TTC17: variants seen among roughly 807,000 people sequenced by gnomAD.
TTC17 encodes the protein tetratricopeptide repeat protein 17.
In TTC17, 58 loss-of-function variants were observed where a neutral mutation model predicts 143.8. The observed-to-expected ratio is 0.40, with a 90% CI of 0.33 to 0.50. The LOEUF is 0.50. Among genes scored for constraint, TTC17 ranks in the 20% least tolerant of loss-of-function variants. The pLI, the probability that TTC17 is intolerant of heterozygous loss-of-function variation, is 0.49. For missense variants in TTC17, 1,273 were observed against 1,392.5 expected (o/e 0.91, Z 1.37); for synonymous variants, 501 against 497.8 (o/e 1.01, Z -0.09).
chr11:43,412,998 AC>A (rs1160532243), intron 15 of TTC17, among the ~76,000 whole-genome samples: 4 of 147,714 alleles, frequency 2.7e-5, no homozygotes, highest in Admixed American at 1.3e-4. Context: ...ACACACACAC[AC>A]ACACACACAC....
intron 2 of TTC17, among the ~76,000 whole-genome samples, chr11:43,379,777 G>C (rs998536705): frequency 6.6e-6 from 1 of 152,104 alleles, no homozygotes; most frequent in Admixed American, 6.5e-5. Flanking sequence ...TGGTTGACGT[G>C]AAAAACATTA....
Position 43,490,311 on chromosome 11 carries a change from A to G in TTC17, c.3103A>G (p.Ile1035Val), listed in dbSNP as rs1293028632. Reference sequence around the variant, plus strand: ...GGTGAAAGGCCAAGGAAAGAAGGCAATCGACTGCCTCCGCCAGGCTCTGCA... The same window carrying G: ...GGTGAAAGGCCAAGGAAAGAAGGCAGTCGACTGCCTCCGCCAGGCTCTGCA... Reference protein sequence around the residue: ...WRVKGQGKKAIDCLRQALHYA... With the variant: ...WRVKGQGKKAVDCLRQALHYA... The change falls in exon 22 of 24, where the codon ATC becomes GTC. Residue 1035 changes from isoleucine to valine, a missense_variant. By Grantham distance (29) the Ile-to-Val change is conservative. Coordinates refer to ENST00000039989, the MANE Select transcript of TTC17 (RefSeq NM_018259.6). 1.9e-6 allele frequency: 3 copies of G among 1,612,396 alleles called. No individual in the cohort carries two copies. The highest frequency in any genetic ancestry group is 1.1e-5 in the South Asian group (1 of 90,706).
intron 1 of TTC17, among the ~76,000 whole-genome samples, chr11:43,366,835 C>T (rs1234525961): frequency 6.6e-6 from 1 of 152,162 alleles, no homozygotes; most frequent in Non-Finnish European, 1.5e-5. Flanking sequence ...ACTGACTTAG[C>T]TTTTGTGAGC....
intron 2 of TTC17, among the ~76,000 whole-genome samples, chr11:43,383,248 G>A (rs968704846): frequency 1.8e-4 from 27 of 152,216 alleles, no homozygotes; most frequent in African/African-American, 6.3e-4. Flanking sequence ...GAGAGAGAGA[G>A]TGGTATCCAG....
In TTC17 at chr11:43,407,337, T is replaced by A; in HGVS notation, c.1840-16T>A. 6.2e-7 allele frequency: 1 copy of A among 1,610,286 alleles called. No individual in the cohort carries two copies. The highest frequency in any genetic ancestry group is 8.5e-7 in the Non-Finnish European group (1 of 1,177,768). On this transcript the variant is annotated splice_polypyrimidine_tract_variant and intron_variant, in intron 14 of 23. Coordinates refer to ENST00000039989, the MANE Select transcript of TTC17 (RefSeq NM_018259.6). Reference sequence around the variant, plus strand: ...CTGTATTCTTGTACTAACTGAAGTATTTTTGGATTTTTCAGCCAAATGCTC... The same window carrying A: ...CTGTATTCTTGTACTAACTGAAGTAATTTTGGATTTTTCAGCCAAATGCTC...
intron 21 of TTC17, among the ~76,000 whole-genome samples, chr11:43,460,818 C>T (rs1947851852): frequency 6.6e-6 from 1 of 152,174 alleles, no homozygotes; most frequent in South Asian, 2.1e-4. Flanking sequence ...CAGCAGGGTC[C>T]TGGGCCATTT....
In TTC17 at chr11:43,407,232, A is replaced by G. The variant is rs1403572403; in HGVS notation, c.1839+17A>G. ...ATTAATAAGGTGAGTCATTTACTTTAGACATCTAAAACTTAAATGCTTCTT... is the reference window on the plus strand; with the variant it reads ...ATTAATAAGGTGAGTCATTTACTTTGGACATCTAAAACTTAAATGCTTCTT... On this transcript the variant is annotated intron_variant, in intron 14 of 23. Transcript: ENST00000039989. 6.4e-7 allele frequency: 1 copy of G among 1,572,308 alleles called. No individual in the cohort carries two copies. The highest frequency in any genetic ancestry group is 2.2e-5 in the East Asian group (1 of 44,602).
At chr11:43,475,357 TA>T (rs1305677809) in intron 21 of TTC17, among the ~76,000 whole-genome samples, 4 of 152,114 alleles carry the variant, frequency 2.6e-5, no homozygotes, top group African/African-American at 9.7e-5. Flanking sequence ...TTCAGTTTTA[TA>T]AGGAAAGCAG....
At chr11:43,486,549 A>G (rs1590509552) in intron 21 of TTC17, 2 of 293,732 alleles carry the variant, frequency 6.8e-6, no homozygotes, top group East Asian at 1.6e-4. Flanking sequence ...AGATAGAACT[A>G]TGTTTAAAAG....
At chr11:43,373,508 A>G (rs991159747) in intron 1 of TTC17, among the ~76,000 whole-genome samples, 1 of 152,022 alleles carries the variant, frequency 6.6e-6, no homozygotes, top group African/African-American at 2.4e-5. Context: ...TATTTTTAGT[A>G]GAGATGAGGT....
chr11:43,438,320 G>A (rs1375375579), intron 16 of TTC17, among the ~76,000 whole-genome samples: 1 of 152,132 alleles, frequency 6.6e-6, no homozygotes, highest in African/African-American at 2.4e-5. Context: ...ACCACACCCA[G>A]CTAATTTTTT....
At chr11:43,415,705 C>G (rs975260231) in intron 16 of TTC17, among the ~76,000 whole-genome samples, 1 of 152,124 alleles carries the variant, frequency 6.6e-6, no homozygotes, top group African/African-American at 2.4e-5. Context: ...TTTGTTGATT[C>G]GCTATACCAG....
In TTC17 at chr11:43,456,743, A is replaced by G. The variant is rs1947771610; in HGVS notation, c.3030+5478A>G. Among the ~76,000 whole-genome samples, 3 of 152,218 alleles carry G rather than the reference A, an allele frequency of 2.0e-5. No individual in the cohort carries two copies. In the South Asian group the frequency reaches 6.2e-4, roughly 31 times the overall value. On this transcript the variant is annotated intron_variant, in intron 21 of 23. Transcript: ENST00000039989. ...CTGGCCTTAGCGTAGGGAGAAAGCC[A>G]TTACTGAGGAAAAAGAGAAAGAAGT...
intron 16 of TTC17, chr11:43,436,152 C>T (rs530302987): frequency 1.5e-5 from 20 of 1,374,846 alleles, no homozygotes; most frequent in African/African-American, 7.3e-5. Flanking sequence ...ATCTGTGTCT[C>T]TTGTCATTGA....
At chr11:43,424,732 C>T (rs538316666) in intron 16 of TTC17, among the ~76,000 whole-genome samples, 5 of 152,052 alleles carry the variant, frequency 3.3e-5, no homozygotes, top group Admixed American at 1.3e-4. Flanking sequence ...ATTGCATCAT[C>T]GTACTCCAGC....
At chr11:43,445,163 A>C (rs913958218) in intron 18 of TTC17, among the ~76,000 whole-genome samples, 1 of 152,194 alleles carries the variant, frequency 6.6e-6, no homozygotes, top group Non-Finnish European at 1.5e-5. Context: ...TAAAGTAGTA[A>C]ATGTAGAGAA....
At chr11:43,437,596 C>T (rs559614094) in intron 16 of TTC17, among the ~76,000 whole-genome samples, 33 of 152,148 alleles carry the variant, frequency 2.2e-4, no homozygotes, top group African/African-American at 7.5e-4. Flanking sequence ...TAAAAACAAA[C>T]CAACAAAAAT....
At chr11:43,436,552 G>A (rs1180905937) in intron 16 of TTC17, among the ~76,000 whole-genome samples, 1 of 152,108 alleles carries the variant, frequency 6.6e-6, no homozygotes, top group Admixed American at 6.5e-5. Context: ...AATCTGATTT[G>A]TTTATGTATC....
intron 19 of TTC17, 131 bp from the exon 20 acceptor site, chr11:43,449,951 G>C: frequency 1.0e-6 from 1 of 1,002,210 alleles, no homozygotes; most frequent in Non-Finnish European, 1.4e-6. Context: ...TTAAAATCAG[G>C]GGATAGCATG....
Sources: allele counts gnomAD v4.1 joint callset (sites outside exome capture counted in the v4.1 genomes callset), GRCh38; gene constraint gnomAD v4.1.1; transcripts MANE v1.5; gene names NCBI Gene and HGNC (gene_info 2026-07-23, HGNC 2026-07-21).